Variants in TRIM29 observed in about 807,000 individuals in gnomAD.
TRIM29 encodes tripartite motif-containing protein 29.
A neutral mutation model predicts 57.3 loss-of-function variants in TRIM29; 52 were observed. The ratio of observed to expected loss-of-function variants is 0.91; its 90% CI spans 0.73 to 1.14. The LOEUF (loss-of-function observed/expected upper bound fraction) is 1.14, where lower values mean the gene tolerates loss of function less well. TRIM29 is among the 50% of genes most tolerant of loss of function. TRIM29 has a pLI of 0.00. For missense variants in TRIM29, 753 were observed against 774.6 expected (o/e 0.97, Z 0.33); for synonymous variants, 319 against 316.9 (o/e 1.01, Z -0.07).
rs1343761995 is a variant in TRIM29, at chr11:120,125,550, AAAC to A, written c.1333+138_1333+140del. 131 of 814,034 alleles carry A rather than the reference AAAC, an allele frequency of 1.6e-4. 2 individuals carry two copies. The South Asian group carries it at 2.2e-3, about 14-fold the overall frequency. 50.4% of individuals were successfully genotyped at this position (814,034 alleles called of 1,614,324 possible). A position where few individuals can be genotyped will look rare whatever the true frequency, so the allele number is the denominator to read the frequency against. ...GGTTAGAATCCCTGTATCCTAGTCCAAACGGCCTGAGGAAGGGTGGGTGGGTGG... is the reference window on the plus strand; with the variant it reads ...GGTTAGAATCCCTGTATCCTAGTCCAGGCCTGAGGAAGGGTGGGTGGGTGG... On this transcript the variant is annotated intron_variant, in intron 4 of 8. Coordinates refer to ENST00000341846, the MANE Select transcript of TRIM29 (RefSeq NM_012101.4).
At chr11:120,135,462 C>T (rs1020744884) in intron 1 of TRIM29, among the ~76,000 whole-genome samples, 6 of 152,296 alleles carry the variant, frequency 3.9e-5, no homozygotes, top group East Asian at 1.9e-4. Flanking sequence ...GACTGGAACT[C>T]GGTCACATTT....
chr11:120,120,613 C>T lies in TRIM29; in HGVS notation c.1488G>A (p.Glu496=). The change falls in exon 6 of 9, where the codon GAG becomes GAA. Residue 496 remains glutamate, a synonymous_variant. Transcript: ENST00000341846. ...QPSSPGRFTK[E]TTQKNFNNLY... is the part of the protein sequence containing the mutation. ...GATTGTTGAAATTCTTCTGGGTGGT[C>T]TCCTTGGTGAAGCGGCCAGGAGACG... 6.2e-7 allele frequency: 1 copy of T among 1,613,844 alleles called. No homozygotes were observed. Among genetic ancestry groups the T allele is most frequent in the South Asian group, 1.1e-5 (1 of 91,014 alleles).
At chr11:120,129,964 G>A (rs1239588901) in intron 1 of TRIM29, among the ~76,000 whole-genome samples, 2 of 152,220 alleles carry the variant, frequency 1.3e-5, no homozygotes, top group South Asian at 2.1e-4. Flanking sequence ...CTAAGGAGAT[G>A]AGGATGGAGA....
At chr11:120,130,959 G>C (rs1199825374) in intron 1 of TRIM29, among the ~76,000 whole-genome samples, 3 of 152,206 alleles carry the variant, frequency 2.0e-5, no homozygotes, top group African/African-American at 7.2e-5. Flanking sequence ...ACAGTAGGGA[G>C]TGCATAGAGA....
chr11:120,118,004 C>G, intron 7 of TRIM29: 1 of 575,982 alleles, frequency 1.7e-6, no homozygotes. Context: ...GACTAGAGAG[C>G]GGTGAAACAA....
chr11:120,116,970 T>C (rs1863287448), intron 7 of TRIM29: 1 of 422,434 alleles, frequency 2.4e-6, no homozygotes, highest in African/African-American at 2.1e-5. Context: ...GGGATTATTT[T>C]TAGACAGCCC....
chr11:120,135,696 TGA>T (rs890614974), intron 1 of TRIM29, among the ~76,000 whole-genome samples: 3 of 152,230 alleles, frequency 2.0e-5, no homozygotes. Context: ...AAGGAATCTG[TGA>T]GTCTGTTCCC....
In TRIM29 at chr11:120,122,163, T is replaced by TGTGTGTGTGTGA. The variant is rs780959243; in HGVS notation, c.1435+790_1435+791insTCACACACACAC. Among the ~76,000 whole-genome samples the TGTGTGTGTGTGA allele has an allele frequency of 2.2e-3, 325 of 148,964 alleles. 2 individuals are homozygous for TGTGTGTGTGTGA. Among genetic ancestry groups the TGTGTGTGTGTGA allele is most frequent in the East Asian group, 0.011 (52 of 4,808 alleles). On this transcript the variant is annotated intron_variant, in intron 5 of 8. Coordinates refer to ENST00000341846, the MANE Select transcript of TRIM29 (RefSeq NM_012101.4). ...GTGTGTGTGTGTGTGTGTGTGTGTG[T>TGTGTGTGTGTGA]GAAAGACGTGTGTGAATTACTGATT...
rs940483559 is a variant in TRIM29, at chr11:120,112,428, T to C, written c.1753A>G (p.Asn585Asp). Residue 585 changes from asparagine (N) to aspartate (D), a missense_variant, in exon 9 of 9, where the codon AAC (asparagine) becomes GAC (aspartate). Coordinates refer to ENST00000341846, the MANE Select transcript of TRIM29 (RefSeq NM_012101.4). ...YVNKGNGIGSNEAP is the reference protein window; with the variant it reads ...YVNKGNGIGSDEAP ...CCGCCAGGAGCTCATGGGGCTTCGT[T>C]GGACCCAATCCCGTTGCCTTTGTTG... is the stretch of plus-strand genomic sequence containing the variant. 2 of 1,613,464 alleles carry C rather than the reference T, an allele frequency of 1.2e-6. No homozygotes were observed. The highest frequency in any genetic ancestry group is 2.7e-5 in the African/African-American group (2 of 74,842).
Position 120,137,413 on chromosome 11 carries a change from C to T in TRIM29, c.619G>A (p.Ala207Thr), listed in dbSNP as rs1184869439. 4 of 1,610,630 alleles carry T rather than the reference C, an allele frequency of 2.5e-6. No individual in the cohort carries two copies. The highest frequency in any genetic ancestry group is 1.7e-5 in the Admixed American group (1 of 60,020). Residue 207 changes from alanine (A) to threonine (T), a missense_variant, in exon 1 of 9, where the codon GCC (alanine) becomes ACC (threonine). Ala to Thr is a moderately conservative substitution (Grantham distance 58). Coordinates refer to ENST00000341846, the MANE Select transcript of TRIM29 (RefSeq NM_012101.4). The surrounding 1 kb of genome is among the most constrained non-coding windows in gnomAD (Gnocchi z 6.2). ...TCGAGCAGCTGGTGGTCTCGGAAGG[C>T]GGCGCCCTCCAGGTGGGGCTTGAGA... ...LHLKPHLEGA[A>T]FRDHQLLEPI...
intron 5 of TRIM29, 126 bp downstream of exon 5, chr11:120,122,828 C>T (rs903532626): frequency 2.8e-5 from 20 of 720,776 alleles, no homozygotes; most frequent in East Asian, 7.7e-5. Flanking sequence ...CAGGACTTTC[C>T]CAGGCAAACT....
chr11:120,137,786 A>G lies in TRIM29; in HGVS notation c.246T>C (p.Phe82=), dbSNP rs1174519405. 3 of 1,612,298 alleles carry G rather than the reference A, an allele frequency of 1.9e-6. No individual in the cohort carries two copies. The African/African-American group carries it at 4.0e-5, about 22-fold the overall frequency. The stretch of plus-strand genomic sequence containing the variant: ...AGTTCTTGTCGTCCCCGGACTCGAC[A>G]AACTGGATGATGGGTCGCCGCCACT... ...GNEWRRPIIQ[F]VESGDDKNSN... The change falls in exon 1 of 9, where the codon TTT becomes TTC. Residue 82 remains phenylalanine (F), a synonymous_variant. Transcript: ENST00000341846. This position sits in a 1 kb window ranked among gnomAD's most constrained non-coding sequence, Gnocchi z 6.2.
In TRIM29 at chr11:120,126,877, G is replaced by A. The variant is rs538056301; in HGVS notation, c.1134+459C>T. ...AACCATGTCTTGTACTTCTCTATTC[G>A]CCACAGCACCTAATAGAGTACTGGG... On this transcript the variant is annotated intron_variant, in intron 3 of 8. Coordinates refer to ENST00000341846, the MANE Select transcript of TRIM29 (RefSeq NM_012101.4). 1.4e-4 allele frequency among the ~76,000 whole-genome samples: 22 copies of A among 152,218 alleles called. No homozygotes were observed. The South Asian group carries it at 4.4e-3, about 30-fold the overall frequency.
At position 120,128,420 on chromosome 11, in the gene TRIM29, T is replaced by C; in HGVS notation, c.880A>G (p.Lys294Glu). The C allele has an allele frequency of 6.2e-7, 1 of 1,612,382 alleles. No individual in the cohort carries two copies. The highest frequency in any genetic ancestry group is 1.1e-5 in the South Asian group (1 of 91,060). Reference protein sequence around the residue: ...EIEDEAEKWQKEKDRIKSFTT... With the variant: ...EIEDEAEKWQEEKDRIKSFTT... Reference sequence around the variant, plus strand: ...CTCACCTTGATGCGGTCCTTCTCCTTCTGCCACTTCTCAGCTTCATCCTCA... The same window carrying C: ...CTCACCTTGATGCGGTCCTTCTCCTCCTGCCACTTCTCAGCTTCATCCTCA... The change falls in exon 2 of 9, where the codon AAG (lysine) becomes GAG (glutamate). Residue 294 changes from lysine (K) to glutamate (E), a missense_variant. Coordinates refer to ENST00000341846, the MANE Select transcript of TRIM29 (RefSeq NM_012101.4).
chr11:120,120,344 T>TACACACACAC (rs71050727), intron 6 of TRIM29, among the ~76,000 whole-genome samples: 3 of 138,148 alleles, frequency 2.2e-5, no homozygotes, highest in East Asian at 2.2e-4. Flanking sequence ...CCCACACATG[T>TACACACACAC]ACACACACAC....
intron 5 of TRIM29, chr11:120,122,120 T>TTGTGTG (rs1407082874): frequency 6.2e-6 from 2 of 321,680 alleles, no homozygotes; most frequent in South Asian, 4.2e-5. Context: ...GCCTCTCCCA[T>TTGTGTG]TGTGTGTGTG....
chr11:120,133,827 G>A (rs1863764036), intron 1 of TRIM29, among the ~76,000 whole-genome samples: 1 of 152,216 alleles, frequency 6.6e-6, no homozygotes, highest in Non-Finnish European at 1.5e-5. Flanking sequence ...AAATGGTGGG[G>A]TTGAGAGAGT....
rs1185002346 is a variant in TRIM29, at chr11:120,137,318, G to C, written c.714C>G (p.Thr238=). The C allele has an allele frequency of 6.2e-7, 1 of 1,614,130 alleles. No individual in the cohort carries two copies. The highest frequency in any genetic ancestry group is 1.1e-5 in the South Asian group (1 of 91,068). The change falls in exon 1 of 9, where the codon ACC becomes ACG. Residue 238 remains threonine (T), a synonymous_variant. Transcript: ENST00000341846. This position sits in a 1 kb window ranked among gnomAD's most constrained non-coding sequence, Gnocchi z 6.2. The part of the protein sequence containing the change: ...HGKTMELFCQ[T]DQTCICYLCM... ...AAAGGTAGCAGATGCAGGTCTGGTC[G>C]GTCTGGCAGAAGAGCTCCATCGTCT... is the stretch of plus-strand genomic sequence containing the variant.
chr11:120,131,383 A>C (rs1054265363), intron 1 of TRIM29, among the ~76,000 whole-genome samples: 1 of 152,148 alleles, frequency 6.6e-6, no homozygotes, highest in African/African-American at 2.4e-5. Context: ...GGAAGAGGGC[A>C]ATAGGGCTAG....
Sources: allele counts gnomAD v4.1 joint callset (sites outside exome capture counted in the v4.1 genomes callset), GRCh38; gene constraint gnomAD v4.1.1; non-coding constraint Gnocchi (gnomAD v3.1); transcripts MANE v1.5; gene names NCBI Gene and HGNC (gene_info 2026-07-23, HGNC 2026-07-21).